LMAN1: variants seen among roughly 807,000 people sequenced by gnomAD.
LMAN1 encodes protein ERGIC-53.
LMAN1 carries 32 observed loss-of-function variants against 67.8 expected under a neutral mutation model. The ratio of observed to expected loss-of-function variants is 0.47; its 90% CI spans 0.36 to 0.63. LMAN1 has a LOEUF of 0.63. Among genes scored for constraint, LMAN1 ranks in the 30% least tolerant of loss-of-function variants. LMAN1 has a pLI of 0.00. For missense variants in LMAN1, 632 were observed against 628.2 expected (o/e 1.01, Z -0.06); for synonymous variants, 235 against 219.3 (o/e 1.07, Z -0.63).
chr18:59,356,162 G>T (rs369032454), intron 1 of LMAN1, among the ~76,000 whole-genome samples: 1 of 152,036 alleles, frequency 6.6e-6, no homozygotes, highest in African/African-American at 2.4e-5. Flanking sequence ...AGCTAGGCTC[G>T]ATCACTTCCA....
At chr18:59,346,112 T>G in intron 7 of LMAN1, 61 bp from the exon 8 acceptor site, 51 of 1,357,492 alleles carry the variant, frequency 3.8e-5, no homozygotes, top group Non-Finnish European at 4.4e-5. Context: ...AAGATATCTC[T>G]ATACATGTTA....
chr18:59,331,013 G>A lies in LMAN1; in HGVS notation c.*80C>T. 1.1e-6 allele frequency: 1 copy of A among 912,620 alleles called. No homozygotes were observed. The highest frequency in any genetic ancestry group is 1.8e-6 in the Non-Finnish European group (1 of 561,382). The allele number at this position is 912,620 out of a possible 1,614,324, so 56.5% of individuals were successfully genotyped here. ...TAAGAAAATTAATAATTTAGACTAT[G>A]AAGCAATTTAAATACTTAAATTCCC... is the stretch of plus-strand genomic sequence containing the variant. On this transcript the variant is annotated 3_prime_UTR_variant, in exon 13 of 13. Transcript: ENST00000251047.
rs1180899481 is a variant in LMAN1, at chr18:59,355,304, T to C, written c.477+9A>G. ...TTAAAGTGGATAACAGTCCTGACAA[T>C]AAATATACCTTTCCATCATTGTCAA... is the stretch of plus-strand genomic sequence containing the variant. On this transcript the variant is annotated intron_variant, in intron 3 of 12. Transcript: ENST00000251047. 4 of 1,594,854 alleles carry C rather than the reference T, an allele frequency of 2.5e-6. No individual in the cohort carries two copies. Among genetic ancestry groups the C allele is most frequent in the African/African-American group, 2.7e-5 (2 of 74,370 alleles).
intron 8 of LMAN1, among the ~76,000 whole-genome samples, chr18:59,345,220 C>G (rs1191498729): frequency 6.6e-6 from 1 of 152,138 alleles, no homozygotes; most frequent in East Asian, 1.9e-4. Flanking sequence ...TAGCCACAGC[C>G]TTTATTAAGT....
rs191446510 is a variant in LMAN1 at position 59,341,852 on chromosome 18, T to C, written c.956-2899A>G. Among the ~76,000 whole-genome samples the C allele has an allele frequency of 1.8e-3, 276 of 151,828 alleles. 2 individuals are homozygous for C. Among genetic ancestry groups the C allele is most frequent in the Middle Eastern group, 6.8e-3 (2 of 294 alleles). ...AACATAAGAGCAAAGCTAAATGAAA[T>C]AGAGACCAAAAAAATTAATAAAGGA... is the stretch of plus-strand genomic sequence containing the variant. On this transcript the variant is annotated intron_variant, in intron 8 of 12. Transcript: ENST00000251047.
intron 5 of LMAN1, chr18:59,352,679 G>C (rs139147003): frequency 2.8e-4 from 50 of 176,196 alleles, no homozygotes; most frequent in Non-Finnish European, 1.1e-4. Flanking sequence ...TGATCTCCCT[G>C]TAGGGCACAG....
intron 11 of LMAN1, 58 bp downstream of exon 11, chr18:59,333,029 AGAGT>A: frequency 7.5e-7 from 1 of 1,336,160 alleles, no homozygotes; most frequent in East Asian, 2.3e-5. Flanking sequence ...TACTTGCAGT[AGAGT>A]ATGAGTTCTT....
At position 59,338,841 on chromosome 18, in the gene LMAN1, A is replaced by G. The variant is rs1316354802; in HGVS notation, c.1068T>C (p.Leu356=). Reference sequence around the variant, plus strand: ...AAGAGACATATCTTCTCTGTTCATCAAGAATCATATCTAACTGCCGGTTCA... The same window carrying G: ...AAGAGACATATCTTCTCTGTTCATCGAGAATCATATCTAACTGCCGGTTCA... ...KQLNRQLDMI[L]DEQRRYVSSL... is the part of the protein sequence containing the mutation. The change falls in exon 9 of 13, where the codon CTT becomes CTC. Residue 356 remains leucine (L), a synonymous_variant. Coordinates refer to ENST00000251047, the MANE Select transcript of LMAN1 (RefSeq NM_005570.4). The G allele has an allele frequency of 6.2e-7, 1 of 1,613,870 alleles. No homozygotes were observed. The highest frequency in any genetic ancestry group is 1.3e-5 in the African/African-American group (1 of 74,900).
chr18:59,354,097 C>A (rs991377324), intron 4 of LMAN1, among the ~76,000 whole-genome samples: 4 of 152,156 alleles, frequency 2.6e-5, no homozygotes, highest in Admixed American at 1.3e-4. Context: ...CTGCAAACCA[C>A]TGAGTCTTTA....
At chr18:59,346,563 C>T (rs1467965683) in intron 7 of LMAN1, among the ~76,000 whole-genome samples, 15 of 150,594 alleles carry the variant, frequency 1.0e-4, no homozygotes. Flanking sequence ...CTTTGTTGCC[C>T]AGGCTGAAGT....
intron 8 of LMAN1, among the ~76,000 whole-genome samples, 166 bp downstream of exon 8, chr18:59,345,753 T>C (rs1908386046): frequency 6.6e-6 from 1 of 152,198 alleles, no homozygotes; most frequent in Non-Finnish European, 1.5e-5. Flanking sequence ...GCCAATCTCT[T>C]GACTCTTAAA....
At chr18:59,341,123 A>T (rs952223002) in intron 8 of LMAN1, among the ~76,000 whole-genome samples, 40 of 152,220 alleles carry the variant, frequency 2.6e-4, no homozygotes, top group African/African-American at 9.2e-4. Flanking sequence ...GAAGGTTATT[A>T]TATAATGATA....
At chr18:59,342,925 CT>C (rs2144219482) in intron 8 of LMAN1, among the ~76,000 whole-genome samples, 1 of 151,992 alleles carries the variant, frequency 6.6e-6, no homozygotes, top group South Asian at 2.1e-4. Context: ...CCAAAAAACT[CT>C]TAGATTTGAT....
rs1908726348 is a variant in LMAN1, at chr18:59,358,882, G to A, written c.214+149C>T. 5.1e-6 allele frequency: 4 copies of A among 779,446 alleles called. No individual in the cohort carries two copies. In the Admixed American group the frequency reaches 8.2e-5, roughly 16 times the overall value. The allele number at this position is 779,446 out of a possible 1,614,324, so 48.3% of individuals were successfully genotyped here. Reference sequence around the variant, plus strand: ...GCGAACCAGGAGGGACCCGGCGGAGGGGCTGCCAGGAGGGTCCCCTCCACA... The same window carrying A: ...GCGAACCAGGAGGGACCCGGCGGAGAGGCTGCCAGGAGGGTCCCCTCCACA... On this transcript the variant is annotated intron_variant, in intron 1 of 12. Transcript: ENST00000251047.
At chr18:59,357,756 G>A (rs556537962) in intron 1 of LMAN1, among the ~76,000 whole-genome samples, 7 of 152,048 alleles carry the variant, frequency 4.6e-5, no homozygotes, top group Non-Finnish European at 1.0e-4. Flanking sequence ...TTCTAGAAAT[G>A]AAACATTTTG....
intron 10 of LMAN1, among the ~76,000 whole-genome samples, chr18:59,333,988 G>A (rs1244170207): frequency 6.6e-6 from 1 of 152,144 alleles, no homozygotes; most frequent in Non-Finnish European, 1.5e-5. Flanking sequence ...TATCTCAAGT[G>A]CTTTTGAATC....
chr18:59,337,067 T>C (rs1908175331), intron 10 of LMAN1, among the ~76,000 whole-genome samples: 1 of 150,850 alleles, frequency 6.6e-6, no homozygotes, highest in Non-Finnish European at 1.5e-5. Context: ...CAAAGGGAAA[T>C]ACAGTAACTT....
chr18:59,350,067 T>TA (rs1908507359), intron 5 of LMAN1, among the ~76,000 whole-genome samples: 1 of 152,176 alleles, frequency 6.6e-6, no homozygotes, highest in Non-Finnish European at 1.5e-5. Flanking sequence ...GTCAGAGACT[T>TA]AAGATTCAGT....
chr18:59,351,232 A>C (rs1309282848), intron 5 of LMAN1, among the ~76,000 whole-genome samples: 1 of 152,224 alleles, frequency 6.6e-6, no homozygotes, highest in Non-Finnish European at 1.5e-5. Context: ...ATAGTTAATA[A>C]GCAAATCAGT....
Sources: allele counts gnomAD v4.1 joint callset (sites outside exome capture counted in the v4.1 genomes callset), GRCh38; gene constraint gnomAD v4.1.1; transcripts MANE v1.5; gene names NCBI Gene and HGNC (gene_info 2026-07-23, HGNC 2026-07-21).